The following SHANK1 variants were observed in gnomAD, a reference collection of about 807,000 sequenced individuals.
SHANK1 encodes the protein SH3 and multiple ankyrin repeat domains protein 1.
SHANK1 carries 35 observed loss-of-function variants against 165.6 expected under a neutral mutation model. The observed-to-expected ratio is 0.21, with a 90% CI of 0.16 to 0.28. SHANK1 has a LOEUF of 0.28. Ranked by LOEUF, SHANK1 falls within the 10% of genes least tolerant of loss-of-function variation. SHANK1 has a pLI of 1.00. For missense variants in SHANK1, 2,681 were observed against 3,036.4 expected (o/e 0.88, Z 2.75); for synonymous variants, 1,428 against 1,384.8 (o/e 1.03, Z -0.69).
chr19:50,662,497 C>T lies in SHANK1; in HGVS notation c.5954G>A (p.Gly1985Asp), dbSNP rs1174982961. 11 of 1,559,582 alleles carry T rather than the reference C, an allele frequency of 7.1e-6. No individual in the cohort carries two copies. The East Asian group carries it at 2.6e-4, about 37-fold the overall frequency. ...SSSTSTRHLQGVEFEMRPPLL... is the reference protein window; with the variant it reads ...SSSTSTRHLQDVEFEMRPPLL... The stretch of plus-strand genomic sequence containing the variant: ...AGGGGGCCGCATCTCGAACTCCACG[C>T]CCTGGAGGTGGCGGGTGGACGTGGA... Residue 1985 changes from glycine (G) to aspartate (D), a missense_variant, in exon 24 of 24, where the codon GGC becomes GAC. Gly to Asp is a moderately conservative substitution (Grantham distance 94). This residue lies in a region of SHANK1 where 1,713 missense variants were observed against 1,630.2 expected (regional missense o/e 1.05). Coordinates refer to ENST00000293441, the MANE Select transcript of SHANK1 (RefSeq NM_016148.5). This position sits in a 1 kb window ranked among gnomAD's most constrained non-coding sequence, Gnocchi z 7.7.
At position 50,666,569 on chromosome 19, in the gene SHANK1, C is replaced by A. The variant is rs1199338269; in HGVS notation, c.5391G>T (p.Leu1797=). 1 of 1,599,960 alleles carries A rather than the reference C, an allele frequency of 6.3e-7. No homozygotes were observed. Among genetic ancestry groups the A allele is most frequent in the Non-Finnish European group, 8.5e-7 (1 of 1,175,538 alleles). Residue 1797 remains leucine (L), a synonymous_variant, in exon 23 of 24, where the codon CTG becomes CTT. Coordinates refer to ENST00000293441, the MANE Select transcript of SHANK1 (RefSeq NM_016148.5). ...GTCCTGAACAAGCACGCAGGGCCAG[C>A]AGCCCATCGGTTCCAGCCCCTGTCA... ...VSVTGAGTDG[L]LALRACSGPP... is the part of the protein sequence containing the mutation.
Position 50,662,811 on chromosome 19 carries a change from G to GGT in SHANK1, c.5769-130_5769-129insAC. The GGT allele has an allele frequency of 1.1e-6, 1 of 919,980 alleles. No homozygotes were observed. The highest frequency in any genetic ancestry group is 1.7e-6 in the Non-Finnish European group (1 of 604,330). The allele number at this position is 919,980 out of a possible 1,614,324, so 57.0% of individuals were successfully genotyped here. A position where few individuals can be genotyped will look rare whatever the true frequency, so the allele number is the denominator to read the frequency against. On this transcript the variant is annotated intron_variant, in intron 23 of 23. Coordinates refer to ENST00000293441, the MANE Select transcript of SHANK1 (RefSeq NM_016148.5). The surrounding 1 kb of genome is among the most constrained non-coding windows in gnomAD (Gnocchi z 7.7). Reference sequence around the variant, plus strand: ...ACATAAGGGTAGGGGGAGAGACGGAGGAGAGACGGGAAGAAATGGAGGGAG... The same window carrying GGT: ...ACATAAGGGTAGGGGGAGAGACGGAGGTGAGAGACGGGAAGAAATGGAGGGAG...
At chr19:50,683,516 G>A (rs558172023) in intron 21 of SHANK1, among the ~76,000 whole-genome samples, 4 of 152,200 alleles carry the variant, frequency 2.6e-5, no homozygotes, top group Admixed American at 1.3e-4. Flanking sequence ...TCTAACATAC[G>A]TATTTTCTCC....
At chr19:50,672,576 A>AAAAG (rs1985837928) in intron 21 of SHANK1, among the ~76,000 whole-genome samples, 3 of 151,040 alleles carry the variant, frequency 2.0e-5, no homozygotes, top group Non-Finnish European at 2.9e-5. Flanking sequence ...AAAAAAAAAA[A>AAAAG]AAAAGAAAAG....
chr19:50,665,488 A>G (rs1002855656), intron 23 of SHANK1, among the ~76,000 whole-genome samples: 1 of 139,874 alleles, frequency 7.1e-6, no homozygotes, highest in East Asian at 2.2e-4. Context: ...AATCGTTTGA[A>G]CCTGGGAGGC....
intron 21 of SHANK1, among the ~76,000 whole-genome samples, chr19:50,682,270 G>A (rs573150964): frequency 2.4e-4 from 37 of 151,090 alleles, no homozygotes; most frequent in Admixed American, 2.0e-4. Context: ...TTGCCAGGAT[G>A]GTCTTGATCT....
chr19:50,665,902 A>ATGCCTGTAATCCCAGCGACT (rs775149350), intron 23 of SHANK1, among the ~76,000 whole-genome samples: 4 of 135,646 alleles, frequency 2.9e-5, no homozygotes, highest in South Asian at 2.5e-4. Flanking sequence ...GTGTGGTGGC[A>ATGCCTGTAATCCCAGCGACT]TGGGAGGCTG....
At position 50,666,596 on chromosome 19, in the gene SHANK1, C is replaced by G. The variant is rs763451119; in HGVS notation, c.5364G>C (p.Ser1788=). 130 of 1,601,200 alleles carry G rather than the reference C, an allele frequency of 8.1e-5. 1 individual carries two copies. In the South Asian group the frequency reaches 1.3e-3, roughly 16 times the overall value. ...DPVTPTSPTV[S]VTGAGTDGLL... The stretch of plus-strand genomic sequence containing the variant: ...GCCCATCGGTTCCAGCCCCTGTCAC[C>G]GAGACGGTGGGGCTGGTGGGGGTAA... Residue 1788 remains serine, a synonymous_variant, in exon 23 of 24, where the codon TCG becomes TCC. Transcript: ENST00000293441.
In SHANK1 at chr19:50,670,682, C is replaced by T. The variant is rs1372384272; in HGVS notation, c.2674+1336G>A. On this transcript the variant is annotated intron_variant, in intron 22 of 23. Coordinates refer to ENST00000293441, the MANE Select transcript of SHANK1 (RefSeq NM_016148.5). The surrounding 1 kb of genome is among the most constrained non-coding windows in gnomAD (Gnocchi z 4.1). Reference sequence around the variant, plus strand: ...ACAGGCCTCCTCCCTGTTCTGTAAACGCACCAGACTCAGCCCGACCTCAGG... The same window carrying T: ...ACAGGCCTCCTCCCTGTTCTGTAAATGCACCAGACTCAGCCCGACCTCAGG... 2.0e-5 allele frequency among the ~76,000 whole-genome samples: 3 copies of T among 152,182 alleles called. No homozygotes were observed. Among genetic ancestry groups the T allele is most frequent in the East Asian group, 1.9e-4 (1 of 5,200 alleles).
chr19:50,671,480 G>A (rs112281009), intron 22 of SHANK1, among the ~76,000 whole-genome samples: 10 of 136,858 alleles, frequency 7.3e-5, no homozygotes, highest in Non-Finnish European at 1.6e-4. Flanking sequence ...GCTGCGCCCG[G>A]CCCACTCTTT....
intron 3 of SHANK1, 67 bp from the exon 4 acceptor site, chr19:50,715,797 T>C: frequency 1.4e-6 from 2 of 1,472,126 alleles, no homozygotes; most frequent in Non-Finnish European, 1.9e-6. Context: ...GGGAGAAGGC[T>C]TGGGGTAGGG....
intron 21 of SHANK1, among the ~76,000 whole-genome samples, chr19:50,678,388 C>T (rs551885961): frequency 6.6e-6 from 1 of 151,560 alleles, no homozygotes; most frequent in Admixed American, 6.6e-5. Context: ...GGGAGGAAGG[C>T]AAGGGAAACA....
At chr19:50,680,898 C>T (rs1187838427) in intron 21 of SHANK1, among the ~76,000 whole-genome samples, 1 of 152,166 alleles carries the variant, frequency 6.6e-6, no homozygotes, top group Non-Finnish European at 1.5e-5. Context: ...TCAGGTGATC[C>T]ACCCGCCTTG....
Position 50,660,200 on chromosome 19 carries a change from C to T in SHANK1, c.*1765G>A, listed in dbSNP as rs1189484668. On this transcript the variant is annotated 3_prime_UTR_variant, in exon 24 of 24. Coordinates refer to ENST00000293441, the MANE Select transcript of SHANK1 (RefSeq NM_016148.5). ...CTTTTCAGGGGGAGGGGTGGCTTAACATTCCCAAGCCCCGGGAATAAGCGG... is the reference window on the plus strand; with the variant it reads ...CTTTTCAGGGGGAGGGGTGGCTTAATATTCCCAAGCCCCGGGAATAAGCGG... Among the ~76,000 whole-genome samples, 1 of 104,182 alleles carries T rather than the reference C, an allele frequency of 9.6e-6. No individual in the cohort carries two copies. The highest frequency in any genetic ancestry group is 2.5e-5 in the Non-Finnish European group (1 of 39,988). 68.3% of individuals were successfully genotyped at this position (104,182 alleles called of 152,430 possible).
At chr19:50,664,122 CT>C (rs34384254) in intron 23 of SHANK1, among the ~76,000 whole-genome samples, 94,743 of 136,490 alleles carry the variant, frequency 0.69, 32,359 homozygotes, top group Non-Finnish European at 0.76. Context: ...TCTTTTCTTT[CT>C]TTTTTTTTTT....
intron 15 of SHANK1, 152 bp downstream of exon 15, chr19:50,696,944 T>C (rs1199069740): frequency 8.5e-6 from 6 of 706,380 alleles, no homozygotes; most frequent in African/African-American, 5.2e-5. Context: ...AGGCCACACA[T>C]GCACACAGAT....
At chr19:50,698,790 A>G (rs780467565) in intron 12 of SHANK1, among the ~76,000 whole-genome samples, 1 of 152,214 alleles carries the variant, frequency 6.6e-6, no homozygotes, top group Non-Finnish European at 1.5e-5. Context: ...TCCAGAGGGC[A>G]TACTTTCAGT....
At chr19:50,679,816 A>G (rs1486316020) in intron 21 of SHANK1, among the ~76,000 whole-genome samples, 1 of 152,172 alleles carries the variant, frequency 6.6e-6, no homozygotes, top group African/African-American at 2.4e-5. Context: ...ACACAGAGAC[A>G]GACGTAGAGA....
intron 8 of SHANK1, among the ~76,000 whole-genome samples, chr19:50,708,939 A>T (rs148167715): frequency 9.2e-4 from 140 of 152,298 alleles, no homozygotes; most frequent in Middle Eastern, 3.4e-3. Flanking sequence ...CTAGACGGGC[A>T]TATCAGGAGG....
Sources: allele counts gnomAD v4.1 joint callset (sites outside exome capture counted in the v4.1 genomes callset), GRCh38; gene constraint gnomAD v4.1.1; regional missense constraint gnomAD v4.1.1; non-coding constraint Gnocchi (gnomAD v3.1); transcripts MANE v1.5; gene names NCBI Gene and HGNC (gene_info 2026-07-23, HGNC 2026-07-21).